The following CNTNAP2 variants were observed in gnomAD, a reference collection of about 807,000 sequenced individuals.
CNTNAP2 encodes contactin associated protein 2.
Under a neutral mutation model 155.2 loss-of-function variants are expected in CNTNAP2, and 98 were observed. The observed-to-expected ratio is 0.63, with a 90% CI of 0.54 to 0.75. The LOEUF (loss-of-function observed/expected upper bound fraction) is 0.75. Ranked by LOEUF, CNTNAP2 falls within the 30% of genes least tolerant of loss-of-function variation. CNTNAP2 has a pLI of 0.00. For missense variants in CNTNAP2, 1,727 were observed against 1,688.1 expected (o/e 1.02, Z -0.40); for synonymous variants, 651 against 631.2 (o/e 1.03, Z -0.47).
chr7:147,336,105 T>G (rs1370105032), intron 9 of CNTNAP2, among the ~76,000 whole-genome samples: 1 of 152,170 alleles, frequency 6.6e-6, no homozygotes, highest in African/African-American at 2.4e-5. Flanking sequence ...CAAAATTCAG[T>G]TTATCTTATA....
intron 15 of CNTNAP2, among the ~76,000 whole-genome samples, chr7:148,110,290 C>G (rs562730694): frequency 1.3e-5 from 2 of 152,046 alleles, no homozygotes; most frequent in Non-Finnish European, 2.9e-5. Flanking sequence ...ATCTGCCTCA[C>G]GTTGCCCAGT....
chr7:146,379,052 C>T (rs1395119654), intron 1 of CNTNAP2, among the ~76,000 whole-genome samples: 1 of 152,234 alleles, frequency 6.6e-6, no homozygotes, highest in Non-Finnish European at 1.5e-5. Context: ...TCTCCTTTGC[C>T]TGCATCCCAC....
intron 1 of CNTNAP2, among the ~76,000 whole-genome samples, chr7:146,142,954 A>T (rs1024657164): frequency 2.0e-5 from 3 of 152,224 alleles, no homozygotes; most frequent in African/African-American, 7.2e-5. Flanking sequence ...TGACTGAAGT[A>T]CATAGTTAGT....
intron 1 of CNTNAP2, among the ~76,000 whole-genome samples, chr7:146,689,552 G>T (rs773912689): frequency 6.6e-6 from 1 of 151,990 alleles, no homozygotes; most frequent in African/African-American, 2.4e-5. Context: ...TTATCTGTCT[G>T]TACCTCATAA....
intron 3 of CNTNAP2, among the ~76,000 whole-genome samples, chr7:146,897,879 A>G (rs186907753): frequency 5.3e-4 from 81 of 152,220 alleles, no homozygotes; most frequent in Non-Finnish European, 9.9e-4. Context: ...TTAGATAAGA[A>G]AAATTGTTGG....
chr7:147,592,617 A>G (rs892542868), intron 12 of CNTNAP2, among the ~76,000 whole-genome samples: 6 of 152,254 alleles, frequency 3.9e-5, no homozygotes, highest in Middle Eastern at 3.4e-3. Context: ...CCTTTTCTCA[A>G]CATCTTCAAA....
intron 1 of CNTNAP2, among the ~76,000 whole-genome samples, chr7:146,141,433 CT>C (rs1797880769): frequency 6.6e-6 from 1 of 152,054 alleles, no homozygotes; most frequent in East Asian, 1.9e-4. Context: ...ACAGATTGTT[CT>C]GGTAGCCATT....
In CNTNAP2 at chr7:146,263,421, A is replaced by G. The variant is rs563154758; in HGVS notation, c.97+146448A>G. 2.0e-5 allele frequency among the ~76,000 whole-genome samples: 3 copies of G among 152,262 alleles called. No homozygotes were observed. In the South Asian group the frequency reaches 6.2e-4, roughly 32 times the overall value. ...CCATTTCATTGTCTTCTCTTCTTCAATTCTAACCTCTCTGGAGAAATATGA... is the reference window on the plus strand; with the variant it reads ...CCATTTCATTGTCTTCTCTTCTTCAGTTCTAACCTCTCTGGAGAAATATGA... On this transcript the variant is annotated intron_variant, in intron 1 of 23. Coordinates refer to ENST00000361727, the MANE Select transcript of CNTNAP2 (RefSeq NM_014141.6).
chr7:147,344,728 G>T (rs1795820814), intron 9 of CNTNAP2, among the ~76,000 whole-genome samples: 1 of 152,062 alleles, frequency 6.6e-6, no homozygotes, highest in African/African-American at 2.4e-5. Flanking sequence ...TTCTTTAAAG[G>T]ATTAACAGCA....
At chr7:146,276,525 A>C (rs146250316) in intron 1 of CNTNAP2, among the ~76,000 whole-genome samples, 182 of 152,322 alleles carry the variant, frequency 1.2e-3, no homozygotes, top group African/African-American at 4.3e-3. Flanking sequence ...ACAAAGCACA[A>C]TTTGAAGCAC....
At chr7:147,337,093 T>C (rs918372403) in intron 9 of CNTNAP2, among the ~76,000 whole-genome samples, 1 of 152,170 alleles carries the variant, frequency 6.6e-6, no homozygotes, top group African/African-American at 2.4e-5. Context: ...ACCAATATCA[T>C]GCACCCACAT....
chr7:147,961,333 C>T (rs374517598), intron 14 of CNTNAP2, among the ~76,000 whole-genome samples: 7 of 152,142 alleles, frequency 4.6e-5, no homozygotes, highest in East Asian at 3.9e-4. Flanking sequence ...TTGACATTTC[C>T]TGGAGAAGTA....
chr7:146,661,418 C>A (rs1494456), intron 1 of CNTNAP2, among the ~76,000 whole-genome samples: 66,649 of 151,802 alleles, frequency 0.44, 17,654 homozygotes, highest in South Asian at 0.65. Context: ...CCCCCATGCT[C>A]CGATGTAATC....
intron 11 of CNTNAP2, among the ~76,000 whole-genome samples, chr7:147,508,110 A>G (rs1034212683): frequency 1.3e-5 from 2 of 152,120 alleles, no homozygotes; most frequent in Admixed American, 6.5e-5. Flanking sequence ...ACTCTAGAAC[A>G]TTTTGCTGGG....
chr7:146,301,471 A>G lies in CNTNAP2; in HGVS notation c.97+184498A>G, dbSNP rs569445007. Among the ~76,000 whole-genome samples the G allele has an allele frequency of 1.3e-4, 19 of 151,902 alleles. 1 individual carries two copies. The South Asian group carries it at 4.0e-3, about 32-fold the overall frequency. ...AACCCCATCTCTACTAAAAATACAA[A>G]AAAAATTAGCCAAGTGTGACGGCAG... On this transcript the variant is annotated intron_variant, in intron 1 of 23. Transcript: ENST00000361727.
chr7:147,991,006 G>A (rs572996918), intron 15 of CNTNAP2, among the ~76,000 whole-genome samples: 4 of 152,152 alleles, frequency 2.6e-5, no homozygotes, highest in Non-Finnish European at 4.4e-5. Context: ...CCACCTAGGG[G>A]CCCACCATGA....
intron 3 of CNTNAP2, among the ~76,000 whole-genome samples, chr7:146,882,548 A>C (rs764671395): frequency 1.3e-5 from 2 of 151,968 alleles, no homozygotes; most frequent in Non-Finnish European, 2.9e-5. Flanking sequence ...CCACCATGTG[A>C]AGGATGTGTT....
At chr7:148,063,941 T>C (rs1031769959) in intron 15 of CNTNAP2, among the ~76,000 whole-genome samples, 7 of 152,176 alleles carry the variant, frequency 4.6e-5, no homozygotes, top group Admixed American at 1.3e-4. Context: ...TTCATTCCTT[T>C]GCATGTTGCT....
chr7:146,315,871 C>T (rs1015051337), intron 1 of CNTNAP2, among the ~76,000 whole-genome samples: 4 of 152,106 alleles, frequency 2.6e-5, no homozygotes, highest in Non-Finnish European at 4.4e-5. Context: ...GCCAGACAGA[C>T]ATTCATCTGT....
Sources: gnomAD v4.1 joint callset for allele counts (sites outside exome capture counted in the v4.1 genomes callset) on GRCh38, gnomAD v4.1.1 for gene constraint, MANE v1.5 for transcripts, NCBI Gene and HGNC (gene_info 2026-07-23, HGNC 2026-07-21) for gene names.